PPP1R21: variants seen among roughly 807,000 people sequenced by gnomAD.
The protein encoded by PPP1R21 is protein phosphatase 1 regulatory subunit 21.
PPP1R21 carries 85 observed loss-of-function variants against 112.8 expected under a neutral mutation model. That is an observed-to-expected ratio of 0.75 (90% confidence interval 0.63 to 0.90). PPP1R21 has a LOEUF of 0.90. Ranked by LOEUF, PPP1R21 falls within the 40% of genes least tolerant of loss-of-function variation. PPP1R21 has a pLI of 0.00. For synonymous variants in PPP1R21, 381 were observed against 322.3 expected (o/e 1.18, Z -1.95); for missense variants, 1,199 against 901.5 (o/e 1.33, Z -4.23).
intron 2 of PPP1R21, among the ~76,000 whole-genome samples, chr2:48,453,904 A>G (rs1175204958): frequency 2.0e-5 from 3 of 152,168 alleles, no homozygotes; most frequent in Admixed American, 2.0e-4. Context: ...GAATACAAGT[A>G]TATTTCTTCC....
In PPP1R21 at chr2:48,440,807, G is replaced by T; in HGVS notation, c.-147G>T. On this transcript the variant is annotated 5_prime_UTR_variant, in exon 1 of 22. In the 5' UTR this introduces an upstream ATG that the reference lacks. Transcript: ENST00000294952. Reference sequence around the variant, plus strand: ...ACCCCGGGAACCCGGAAGTGGAGGAGGAGGCGCGGCGGCGGCGGCGGCGGC... The same window carrying T: ...ACCCCGGGAACCCGGAAGTGGAGGATGAGGCGCGGCGGCGGCGGCGGCGGC... The T allele has an allele frequency of 1.5e-6, 1 of 648,674 alleles. No homozygotes were observed. The highest frequency in any genetic ancestry group is 2.7e-6 in the Non-Finnish European group (1 of 364,494). 40.2% of individuals were successfully genotyped at this position (648,674 alleles called of 1,614,324 possible).
At chr2:48,447,697 C>T (rs1462222201) in intron 1 of PPP1R21, among the ~76,000 whole-genome samples, 1 of 152,072 alleles carries the variant, frequency 6.6e-6, no homozygotes, top group East Asian at 1.9e-4. Flanking sequence ...GACTGTAATC[C>T]CAGCACTTTG....
intron 1 of PPP1R21, among the ~76,000 whole-genome samples, chr2:48,444,028 C>T (rs1667146483): frequency 6.6e-6 from 1 of 151,640 alleles, no homozygotes; most frequent in Admixed American, 6.6e-5. Flanking sequence ...AATCTTTCCT[C>T]TTGAAAAGGA....
chr2:48,451,141 C>T, intron 2 of PPP1R21, 65 bp downstream of exon 2: 1 of 1,341,352 alleles, frequency 7.5e-7, no homozygotes, highest in Non-Finnish European at 1.1e-6. Flanking sequence ...AAAGCAGGTT[C>T]ATTGGGTTTT....
intron 1 of PPP1R21, among the ~76,000 whole-genome samples, chr2:48,444,256 C>G (rs1235989424): frequency 1.3e-5 from 2 of 152,174 alleles, no homozygotes; most frequent in Non-Finnish European, 2.9e-5. Flanking sequence ...CTTAATATTT[C>G]AGGTTCAATA....
chr2:48,453,870 C>T (rs938668919), intron 2 of PPP1R21, among the ~76,000 whole-genome samples: 1 of 152,110 alleles, frequency 6.6e-6, no homozygotes, highest in Admixed American at 6.5e-5. Flanking sequence ...AATTTAAATT[C>T]AGGGAGGATT....
intron 12 of PPP1R21, among the ~76,000 whole-genome samples, chr2:48,479,010 G>T (rs1231202271): frequency 6.6e-6 from 1 of 152,206 alleles, no homozygotes; most frequent in African/African-American, 2.4e-5. Flanking sequence ...AGTGGAGGGG[G>T]TAGGCAGCAG....
intron 17 of PPP1R21, among the ~76,000 whole-genome samples, chr2:48,503,141 GT>G (rs1320391052): frequency 6.6e-6 from 1 of 152,060 alleles, no homozygotes; most frequent in African/African-American, 2.4e-5. Context: ...ATACATTTCT[GT>G]TTTTTGCCGG....
In PPP1R21 at chr2:48,496,206, GA is replaced by G. The variant is rs1669826019; in HGVS notation, c.1692+442del. Among the ~76,000 whole-genome samples the G allele has an allele frequency of 6.6e-5, 10 of 150,378 alleles. No individual in the cohort carries two copies. In the South Asian group the frequency reaches 1.9e-3, roughly 28 times the overall value. The stretch of plus-strand genomic sequence containing the variant: ...GGAGTGGGAGGCACTGTCTTTTTCA[GA>G]AAAAAAGGAAAAAAAAAATATGTAT... On this transcript the variant is annotated intron_variant, in intron 16 of 21. Coordinates refer to ENST00000294952, the MANE Select transcript of PPP1R21 (RefSeq NM_001135629.3).
intron 7 of PPP1R21, 103 bp from the exon 8 acceptor site, chr2:48,464,834 T>C (rs1159243443): frequency 6.6e-6 from 5 of 753,894 alleles, no homozygotes; most frequent in Admixed American, 6.3e-5. Flanking sequence ...TAAATTCTTA[T>C]GTAAAGTTGA....
intron 1 of PPP1R21, among the ~76,000 whole-genome samples, chr2:48,445,013 G>A (rs773108716): frequency 6.6e-6 from 1 of 152,058 alleles, no homozygotes; most frequent in Non-Finnish European, 1.5e-5. Flanking sequence ...TATGGAGAAA[G>A]GGTCAGTTTT....
chr2:48,504,109 T>G (rs1442503619), intron 17 of PPP1R21, among the ~76,000 whole-genome samples: 1 of 152,194 alleles, frequency 6.6e-6, no homozygotes, highest in Non-Finnish European at 1.5e-5. Context: ...TAAACTGCAG[T>G]CATATTTGAA....
chr2:48,464,739 A>C (rs957044392), intron 7 of PPP1R21, among the ~76,000 whole-genome samples, 198 bp from the exon 8 acceptor site: 1 of 152,128 alleles, frequency 6.6e-6, no homozygotes, highest in Non-Finnish European at 1.5e-5. Flanking sequence ...TTAAGCCTGA[A>C]GTTAAAAAAA....
At chr2:48,508,078 T>TA (rs1189438492) in intron 19 of PPP1R21, among the ~76,000 whole-genome samples, 2,327 of 139,738 alleles carry the variant, frequency 0.017, 46 homozygotes, top group African/African-American at 0.052. Flanking sequence ...ACTCTGCCTT[T>TA]AAAAAAAAAA....
intron 7 of PPP1R21, among the ~76,000 whole-genome samples, chr2:48,462,767 A>G (rs1558443142): frequency 6.6e-6 from 1 of 152,166 alleles, no homozygotes; most frequent in Non-Finnish European, 1.5e-5. Flanking sequence ...TCATGTTGCT[A>G]TATGTGTACT....
chr2:48,508,378 A>C (rs1218605571), intron 19 of PPP1R21, among the ~76,000 whole-genome samples: 1 of 152,180 alleles, frequency 6.6e-6, no homozygotes, highest in Non-Finnish European at 1.5e-5. Context: ...TTTCTCTTAT[A>C]CTAGAGTTGA....
chr2:48,494,624 C>T (rs962877157), intron 15 of PPP1R21, among the ~76,000 whole-genome samples: 11 of 152,072 alleles, frequency 7.2e-5, no homozygotes, highest in Non-Finnish European at 1.3e-4. Flanking sequence ...CCATGTTGGT[C>T]AGGCTGGTCT....
At chr2:48,507,180 A>G in intron 18 of PPP1R21, 89 bp from the exon 19 acceptor site, 2 of 1,418,598 alleles carry the variant, frequency 1.4e-6, no homozygotes, top group African/African-American at 1.5e-5. Flanking sequence ...GTGAGAATGT[A>G]CAAAATGTTG....
intron 17 of PPP1R21, among the ~76,000 whole-genome samples, chr2:48,504,854 C>A (rs1366433827): frequency 1.3e-5 from 2 of 152,086 alleles, no homozygotes; most frequent in African/African-American, 4.8e-5. Context: ...AGCAGCCAGG[C>A]ATGGTGACTC....
Sources: gnomAD v4.1 joint callset for allele counts (sites outside exome capture counted in the v4.1 genomes callset) on GRCh38, gnomAD v4.1.1 for gene constraint, MANE v1.5 for transcripts, NCBI Gene and HGNC (gene_info 2026-07-23, HGNC 2026-07-21) for gene names.